The following JAKMIP1 variants were observed in gnomAD, a reference collection of about 807,000 sequenced individuals.
JAKMIP1 encodes the protein janus kinase and microtubule interacting protein 1, also known as janus kinase and microtubule-interacting protein 1.
A neutral mutation model predicts 113.0 loss-of-function variants in JAKMIP1; 33 were observed. That is an observed-to-expected ratio of 0.29 (90% CI 0.22 to 0.39). The LOEUF is 0.39. JAKMIP1 is among the 10% of genes least tolerant of loss of function. JAKMIP1 has a pLI of 1.00. For synonymous variants in JAKMIP1, 480 were observed against 459.9 expected (o/e 1.04, Z -0.56); for missense variants, 813 against 1,080.5 (o/e 0.75, Z 3.47).
Position 6,049,048 on chromosome 4 carries a change from G to T in JAKMIP1, c.1963-126C>A. On this transcript the variant is annotated intron_variant, in intron 15 of 20. Coordinates refer to ENST00000409021, the MANE Select transcript of JAKMIP1 (RefSeq NM_001099433.2). This position sits in a 1 kb window ranked among gnomAD's most constrained non-coding sequence, Gnocchi z 7.0. ...GTTTTATTATGTTTGTTTGTTTTGA[G>T]ACGGAGTCTCTCTCTGTCACCTGGG... is the stretch of plus-strand genomic sequence containing the variant. 1 of 720,316 alleles carries T rather than the reference G, an allele frequency of 1.4e-6. No individual in the cohort carries two copies. The highest frequency in any genetic ancestry group is 2.4e-6 in the Non-Finnish European group (1 of 418,800). 44.6% of individuals were successfully genotyped at this position (720,316 alleles called of 1,614,324 possible).
chr4:6,126,546 CACAA>C (rs546078717), intron 1 of JAKMIP1, among the ~76,000 whole-genome samples: 480 of 149,724 alleles, frequency 3.2e-3, no homozygotes, highest in Non-Finnish European at 4.5e-3. Flanking sequence ...AACACACACA[CACAA>C]ACACACACCA....
In JAKMIP1 at chr4:6,034,618, A is replaced by T. The variant is rs1254686653; in HGVS notation, c.2379+1286T>A. Among the ~76,000 whole-genome samples, 4 of 152,306 alleles carry T rather than the reference A, an allele frequency of 2.6e-5. No homozygotes were observed. The East Asian group carries it at 7.7e-4, about 29-fold the overall frequency. On this transcript the variant is annotated intron_variant, in intron 19 of 20. Transcript: ENST00000409021. ...GGAGTTTGAGACCAGCCTGGCCAACATGGAGAAACGCCGTCTCTACTAAGA... is the reference window on the plus strand; with the variant it reads ...GGAGTTTGAGACCAGCCTGGCCAACTTGGAGAAACGCCGTCTCTACTAAGA...
intron 18 of JAKMIP1, among the ~76,000 whole-genome samples, chr4:6,039,770 T>G (rs1253739117): frequency 6.6e-6 from 1 of 152,220 alleles, no homozygotes; most frequent in Non-Finnish European, 1.5e-5. Context: ...TGCACCGGCC[T>G]TCATGTCTAA....
chr4:6,043,395 G>T (rs918582873), intron 16 of JAKMIP1, among the ~76,000 whole-genome samples: 1 of 151,852 alleles, frequency 6.6e-6, no homozygotes, highest in African/African-American at 2.4e-5. Flanking sequence ...CCCCGCACTC[G>T]TGAGGTCCTG....
At chr4:6,085,937 C>T (rs1007963731) in intron 3 of JAKMIP1, among the ~76,000 whole-genome samples, 1 of 152,160 alleles carries the variant, frequency 6.6e-6, no homozygotes, top group African/African-American at 2.4e-5. Context: ...AAAACACTGC[C>T]GGCCCCCAGC....
chr4:6,067,190 A>G lies in JAKMIP1; in HGVS notation c.1303-2182T>C, dbSNP rs1718225580. ...CCCTACCCCTTGAAATGGAAGCTCC[A>G]TGAAGACAGGGGGTTGGCCCTTTTG... On this transcript the variant is annotated intron_variant, in intron 8 of 20. Coordinates refer to ENST00000409021, the MANE Select transcript of JAKMIP1 (RefSeq NM_001099433.2). The surrounding 1 kb of genome is among the most constrained non-coding windows in gnomAD (Gnocchi z 4.6). Among the ~76,000 whole-genome samples, 1 of 152,196 alleles carries G rather than the reference A, an allele frequency of 6.6e-6. No individual in the cohort carries two copies. The highest frequency in any genetic ancestry group is 2.1e-4 in the South Asian group (1 of 4,832).
At position 6,061,859 on chromosome 4, in the gene JAKMIP1, G is replaced by A. The variant is rs1007747901; in HGVS notation, c.1560+453C>T. ...AGCTCAGCCTAGCCTGAGGAATGGC[G>A]TGGCCTGGACTGAGGTGGTCACAGG... On this transcript the variant is annotated intron_variant, in intron 10 of 20. Transcript: ENST00000409021. The surrounding 1 kb of genome is among the most constrained non-coding windows in gnomAD (Gnocchi z 5.3). 7.9e-5 allele frequency among the ~76,000 whole-genome samples: 12 copies of A among 152,298 alleles called. No individual in the cohort carries two copies. The highest frequency in any genetic ancestry group is 2.2e-4 in the African/African-American group (9 of 41,566).
Position 6,050,922 on chromosome 4 carries a change from G to A in JAKMIP1, c.1807-243C>T, listed in dbSNP as rs1015859132. Among the ~76,000 whole-genome samples, 7 of 152,216 alleles carry A rather than the reference G, an allele frequency of 4.6e-5. No individual in the cohort carries two copies. The highest frequency in any genetic ancestry group is 1.7e-4 in the African/African-American group (7 of 41,468). On this transcript the variant is annotated intron_variant, in intron 13 of 20. Transcript: ENST00000409021. The surrounding 1 kb of genome is among the most constrained non-coding windows in gnomAD (Gnocchi z 7.4). ...TTCATCTAGGGAGAAATGGTTAACA[G>A]GGTACCGTGGCTTTATCCATTGTGA...
intron 8 of JAKMIP1, chr4:6,070,333 T>C (rs1718781996): frequency 5.2e-6 from 2 of 383,126 alleles, no homozygotes; most frequent in Non-Finnish European, 9.2e-6. Flanking sequence ...CACGGCTTCC[T>C]GTGGACCCGT....
chr4:6,097,664 A>G lies in JAKMIP1; in HGVS notation c.624+7809T>C, dbSNP rs1578221825. On this transcript the variant is annotated intron_variant, in intron 3 of 20. Transcript: ENST00000409021. This position sits in a 1 kb window ranked among gnomAD's most constrained non-coding sequence, Gnocchi z 4.3. ...TTCTATACCACCTTTGGAAAACTCC[A>G]TAAGGATGGGGGAAGCTTTACAGAT... Among the ~76,000 whole-genome samples the G allele has an allele frequency of 2.0e-5, 3 of 152,340 alleles. No individual in the cohort carries two copies. The highest frequency in any genetic ancestry group is 2.0e-4 in the Admixed American group (3 of 15,306).
chr4:6,164,662 T>A (rs1224021472), intron 1 of JAKMIP1, among the ~76,000 whole-genome samples: 1 of 152,240 alleles, frequency 6.6e-6, no homozygotes, highest in African/African-American at 2.4e-5. Flanking sequence ...AGAACATTCA[T>A]GATTCATGAG....
Position 6,199,873 on chromosome 4 carries a change from T to C in JAKMIP1, c.-148+380A>G, listed in dbSNP as rs1223360734. Among the ~76,000 whole-genome samples, 1 of 142,256 alleles carries C rather than the reference T, an allele frequency of 7.0e-6. No individual in the cohort carries two copies. The highest frequency in any genetic ancestry group is 2.6e-5 in the African/African-American group (1 of 38,064). The allele number at this position is 142,256 out of a possible 152,430, so 93.3% of individuals were successfully genotyped here. On this transcript the variant is annotated intron_variant, in intron 1 of 20. Coordinates refer to ENST00000409021, the MANE Select transcript of JAKMIP1 (RefSeq NM_001099433.2). This position sits in a 1 kb window ranked among gnomAD's most constrained non-coding sequence, Gnocchi z 5.6. ...GCCACTCCGGCAGGCACCGGGTGGG[T>C]CCCCCTCCCGCTCCTTGGCTTGAGG...
rs560301679 is a variant in JAKMIP1 at position 6,091,560 on chromosome 4, C to T, written c.625-5931G>A. On this transcript the variant is annotated intron_variant, in intron 3 of 20. Transcript: ENST00000409021. Reference sequence around the variant, plus strand: ...AGGCTTGGAGACAGTAACCACCTGTCCCAGGGTCACATGGCAAACAAATGG... The same window carrying T: ...AGGCTTGGAGACAGTAACCACCTGTTCCAGGGTCACATGGCAAACAAATGG... Among the ~76,000 whole-genome samples, 4 of 152,276 alleles carry T rather than the reference C, an allele frequency of 2.6e-5. No homozygotes were observed. The East Asian group carries it at 7.7e-4, about 29-fold the overall frequency.
At position 6,192,222 on chromosome 4, in the gene JAKMIP1, C is replaced by T. The variant is rs1234653109; in HGVS notation, c.-148+8031G>A. On this transcript the variant is annotated intron_variant, in intron 1 of 20. Coordinates refer to ENST00000409021, the MANE Select transcript of JAKMIP1 (RefSeq NM_001099433.2). The surrounding 1 kb of genome is among the most constrained non-coding windows in gnomAD (Gnocchi z 5.0). ...TGCTGGGATTACAGGCGTGAGCCAC[C>T]GCGCCTGGCCAGGGTGTATTTTTCA... 6.6e-6 allele frequency among the ~76,000 whole-genome samples: 1 copy of T among 152,080 alleles called. No individual in the cohort carries two copies. Among genetic ancestry groups the T allele is most frequent in the Non-Finnish European group, 1.5e-5 (1 of 68,016 alleles).
In JAKMIP1 at chr4:6,069,176, C is replaced by T. The variant is rs1718589656; in HGVS notation, c.1303-4168G>A. ...TGCTTCTCAAGAGATGAGGGGAGAA[C>T]CGCCCAGAAAACATTGTTTCCTGTC... is the stretch of plus-strand genomic sequence containing the variant. On this transcript the variant is annotated intron_variant, in intron 8 of 20. Coordinates refer to ENST00000409021, the MANE Select transcript of JAKMIP1 (RefSeq NM_001099433.2). This position sits in a 1 kb window ranked among gnomAD's most constrained non-coding sequence, Gnocchi z 4.5. Among the ~76,000 whole-genome samples the T allele has an allele frequency of 6.6e-6, 1 of 152,110 alleles. No homozygotes were observed. The highest frequency in any genetic ancestry group is 6.5e-5 in the Admixed American group (1 of 15,276).
At chr4:6,121,811 T>C (rs1016533967) in intron 1 of JAKMIP1, among the ~76,000 whole-genome samples, 4 of 152,202 alleles carry the variant, frequency 2.6e-5, no homozygotes, top group African/African-American at 9.7e-5. Context: ...TCACATAAAT[T>C]TGTTTAAATA....
intron 1 of JAKMIP1, among the ~76,000 whole-genome samples, chr4:6,132,923 A>G (rs1031048803): frequency 2.6e-5 from 4 of 152,184 alleles, no homozygotes; most frequent in Admixed American, 2.6e-4. Context: ...CTACACATTC[A>G]TAGTCAATTA....
Position 6,060,444 on chromosome 4 carries a change from A to G in JAKMIP1, c.1624T>C (p.Leu542=), listed in dbSNP as rs1451680118. 1 of 1,613,726 alleles carries G rather than the reference A, an allele frequency of 6.2e-7. No individual in the cohort carries two copies. The highest frequency in any genetic ancestry group is 8.5e-7 in the Non-Finnish European group (1 of 1,179,650). ...CQAKIEDLEK[L]LVEKGQDSKW... ...CTCACCTGTCCCTTCTCAACCAGTAACTTCTCCAAATCTTCGATTTTGGCC... is the reference window on the plus strand; with the variant it reads ...CTCACCTGTCCCTTCTCAACCAGTAGCTTCTCCAAATCTTCGATTTTGGCC... The change falls in exon 11 of 21, where the codon TTA becomes CTA. Residue 542 remains leucine (L), a synonymous_variant. Coordinates refer to ENST00000409021, the MANE Select transcript of JAKMIP1 (RefSeq NM_001099433.2).
intron 1 of JAKMIP1, among the ~76,000 whole-genome samples, chr4:6,125,316 C>T (rs1162781710): frequency 2.6e-5 from 4 of 152,084 alleles, no homozygotes; most frequent in African/African-American, 9.7e-5. Flanking sequence ...ACCCTCCCAT[C>T]CCAAGGGCAA....
Sources: allele counts gnomAD v4.1 joint callset (sites outside exome capture counted in the v4.1 genomes callset), GRCh38; gene constraint gnomAD v4.1.1; non-coding constraint Gnocchi (gnomAD v3.1); transcripts MANE v1.5; gene names NCBI Gene and HGNC (gene_info 2026-07-23, HGNC 2026-07-21).